ZNF394: variants seen among roughly 807,000 people sequenced by gnomAD.
The protein encoded by ZNF394 is zinc finger protein 99.
Under a neutral mutation model 21.8 loss-of-function variants are expected in ZNF394, and 19 were observed. That is an observed-to-expected ratio of 0.87 (90% CI 0.61 to 1.28). The LOEUF is 1.28. Among genes scored for constraint, ZNF394 ranks in the 50% most tolerant of loss-of-function variants. ZNF394 has a pLI of 0.00. For synonymous variants in ZNF394, 294 were observed against 273.3 expected (o/e 1.08, Z -0.75); for missense variants, 683 against 708.6 (o/e 0.96, Z 0.41).
In ZNF394 at chr7:99,499,750, A is replaced by T. The variant is rs1055020890; in HGVS notation, c.344T>A (p.Ile115Asn). 1 of 1,614,060 alleles carries T rather than the reference A, an allele frequency of 6.2e-7. No homozygotes were observed. ...CCAGGCTTGAAGCTCCTCGGGCAGG[A>T]TGGTGAGGAACTGCTCCAGCACCAG... is the stretch of plus-strand genomic sequence containing the variant. Reference protein sequence around the residue: ...ELLVLEQFLTILPEELQAWVR... With the variant: ...ELLVLEQFLTNLPEELQAWVR... Residue 115 changes from isoleucine to asparagine, a missense_variant, in exon 1 of 3, where the codon ATC becomes AAC. By Grantham distance (149) the Ile-to-Asn change is moderately radical. Around this residue, in one of 3 missense-constraint regions of ZNF394, gnomAD observed 402 missense variants for 373.8 expected, o/e 1.08. Transcript: ENST00000337673.
chr7:99,494,171 G>A lies in ZNF394; in HGVS notation c.1044C>T (p.Thr348=). The part of the protein sequence containing the change: ...DSFHHSSLFE[T]QRQLHEERPY... Reference sequence around the variant, plus strand: ...GTCTTTCTTCATGGAGCTGCCTCTGGGTCTCAAAAAGGCTGGAATGATGGA... The same window carrying A: ...GTCTTTCTTCATGGAGCTGCCTCTGAGTCTCAAAAAGGCTGGAATGATGGA... Residue 348 remains threonine, a synonymous_variant, in exon 3 of 3, where the codon ACC becomes ACT. Transcript: ENST00000337673. The A allele has an allele frequency of 6.2e-7, 1 of 1,614,194 alleles. No individual in the cohort carries two copies. The highest frequency in any genetic ancestry group is 2.2e-5 in the East Asian group (1 of 44,890).
At chr7:99,495,614 C>G (rs1800279737) in intron 2 of ZNF394, among the ~76,000 whole-genome samples, 1 of 149,990 alleles carries the variant, frequency 6.7e-6, no homozygotes, top group African/African-American at 2.5e-5. Flanking sequence ...CGTGAGCCAC[C>G]ACACCCAGCT....
At chr7:99,488,930 C>CAA (rs1182283444), downstream of ZNF394, among the ~76,000 whole-genome samples, 11 of 51,320 alleles carry the variant, frequency 2.1e-4, no homozygotes, top group East Asian at 5.0e-4. Context: ...GACTCCATCT[C>CAA]AAAAAAAAAA....
intron 2 of ZNF394, among the ~76,000 whole-genome samples, chr7:99,497,286 C>T (rs1020172565): frequency 5.3e-5 from 8 of 151,046 alleles, no homozygotes; most frequent in South Asian, 4.2e-4. Flanking sequence ...GCCATTCTCC[C>T]GCCTCAGCCT....
At chr7:99,495,986 A>C (rs1024002119) in intron 2 of ZNF394, among the ~76,000 whole-genome samples, 2 of 151,786 alleles carry the variant, frequency 1.3e-5, no homozygotes, top group African/African-American at 4.8e-5. Flanking sequence ...CAATGGCGTG[A>C]TCTCGGCTCA....
In ZNF394 at chr7:99,493,587, T is replaced by C. The variant is rs756343386; in HGVS notation, c.1628A>G (p.His543Arg). The part of the protein sequence containing the change: ...RFRQSTHLIR[H>R]QRIHQNKVLS... ...CACTTTATTTTGATGAATTCTTTGG[T>C]GTCGGATAAGGTGTGTACTTTGTCT... The change falls in exon 3 of 3, where the codon CAC becomes CGC. Residue 543 changes from histidine to arginine, a missense_variant. Physicochemically the swap from His to Arg is conservative, Grantham distance 29 (BLOSUM62 0). This residue lies in a region of ZNF394 where 274 missense variants were observed against 314.1 expected (regional missense o/e 0.87). Coordinates refer to ENST00000337673, the MANE Select transcript of ZNF394 (RefSeq NM_032164.4). 6.2e-7 allele frequency: 1 copy of C among 1,613,914 alleles called. No individual in the cohort carries two copies. The highest frequency in any genetic ancestry group is 1.1e-5 in the South Asian group (1 of 91,026).
rs1326977379 is a variant in ZNF394 at position 99,494,396 on chromosome 7, A to C, written c.819T>G (p.Asn273Lys). The C allele has an allele frequency of 1.2e-6, 2 of 1,614,030 alleles. No individual in the cohort carries two copies. The highest frequency in any genetic ancestry group is 2.2e-5 in the East Asian group (1 of 44,896). The change falls in exon 3 of 3, where the codon AAT (asparagine) becomes AAG (lysine). Residue 273 changes from asparagine (N) to lysine (K), a missense_variant. By Grantham distance (94) the Asn-to-Lys change is moderately conservative (BLOSUM62 0). Around this residue, in one of 3 missense-constraint regions of ZNF394, gnomAD observed 402 missense variants for 373.8 expected, o/e 1.08. Transcript: ENST00000337673. ...TAGAGTCTTCCCCTTCTATGGAACCATTCTTATTGACATCTGAGATGCTGT... is the reference window on the plus strand; with the variant it reads ...TAGAGTCTTCCCCTTCTATGGAACCCTTCTTATTGACATCTGAGATGCTGT... ...GLNSISDVNK[N>K]GSIEGEDSKN...
chr7:99,493,168 A>C, downstream of ZNF394: 1 of 1,024,364 alleles, frequency 9.8e-7, no homozygotes, highest in South Asian at 3.8e-5. Flanking sequence ...AAGATCCATA[A>C]TTGACTGATA....
At chr7:99,487,428 C>G (rs760520508) in intron 1 of ZNF394, 2 of 1,614,202 alleles carry the variant, frequency 1.2e-6, no homozygotes, top group South Asian at 2.2e-5. Context: ...GAAAATCTTT[C>G]AAGTGGCACA....
At chr7:99,495,011 CAG>C (rs1427481014) in intron 2 of ZNF394, among the ~76,000 whole-genome samples, 2 of 151,902 alleles carry the variant, frequency 1.3e-5, no homozygotes, top group Non-Finnish European at 2.9e-5. Context: ...TATTTTGAGA[CAG>C]AGTATTACTC....
exon 2 of ZNF394, chr7:99,486,617 T>C (rs1223696815): frequency 6.2e-7 from 1 of 1,614,108 alleles, no homozygotes; most frequent in Non-Finnish European, 8.5e-7. Flanking sequence ...AAAGAATTTG[T>C]GGACAGTTGC....
chr7:99,494,009 G>A lies in ZNF394; in HGVS notation c.1206C>T (p.Thr402=). 6.2e-7 allele frequency: 1 copy of A among 1,613,974 alleles called. No homozygotes were observed. The highest frequency in any genetic ancestry group is 8.5e-7 in the Non-Finnish European group (1 of 1,180,018). Residue 402 remains threonine (T), a synonymous_variant, in exon 3 of 3, where the codon ACC becomes ACT. Coordinates refer to ENST00000337673, the MANE Select transcript of ZNF394 (RefSeq NM_032164.4). ...CGCCTGTGTGTGTCCTCTGGTGCTT[G>A]GTCAGGGCAGCACTCTGGCTGAAGC... ...GKSFSQSAAL[T]KHQRTHTGEK... is the part of the protein sequence containing the mutation.
intron 1 of ZNF394, chr7:99,487,438 A>T: frequency 1.9e-6 from 3 of 1,614,252 alleles, no homozygotes; most frequent in Non-Finnish European, 2.5e-6. Flanking sequence ...CAAGTGGCAC[A>T]CAAGCTTTAT....
At chr7:99,496,446 C>G (rs768436647) in intron 2 of ZNF394, among the ~76,000 whole-genome samples, 1 of 152,072 alleles carries the variant, frequency 6.6e-6, no homozygotes, top group Non-Finnish European at 1.5e-5. Context: ...AGCACAAAGA[C>G]CAGGAGGCAG....
chr7:99,498,945 T>C, intron 1 of ZNF394, 103 bp from the exon 2 acceptor site: 3 of 1,424,590 alleles, frequency 2.1e-6, no homozygotes, highest in South Asian at 3.0e-5. Context: ...AGATCAGAGA[T>C]AGAGGCTGAC....
chr7:99,486,545 A>T, exon 2 of ZNF394: 1 of 1,614,116 alleles, frequency 6.2e-7, no homozygotes, highest in African/African-American at 1.3e-5. Context: ...TTAGAGTCAT[A>T]TAAGATATCA....
chr7:99,489,759 A>G (rs940169096), downstream of ZNF394, among the ~76,000 whole-genome samples: 6 of 152,204 alleles, frequency 3.9e-5, no homozygotes, highest in Admixed American at 2.0e-4. Context: ...GGTTGAGCTG[A>G]GTGTATTCTC....
At chr7:99,497,962 G>GTACTGCA (rs1800391227) in intron 2 of ZNF394, 1 of 72,688 alleles carries the variant, frequency 1.4e-5, no homozygotes, top group South Asian at 5.1e-4. Flanking sequence ...ATATCTGATT[G>GTACTGCA]TACTGTGGGT....
At position 99,493,340 on chromosome 7, in the gene ZNF394, T is replaced by A; in HGVS notation, c.*189A>T. On this transcript the variant is annotated 3_prime_UTR_variant, in exon 3 of 3. Transcript: ENST00000337673. ...GGCATGATCTCAGCTCACTGCAACT[T>A]CCGCCTCCTGGGTTCAAGTGATTCT... 1 of 1,116,348 alleles carries A rather than the reference T, an allele frequency of 9.0e-7. No individual in the cohort carries two copies. Among genetic ancestry groups the A allele is most frequent in the South Asian group, 1.9e-5 (1 of 52,734 alleles). The allele number at this position is 1,116,348 out of a possible 1,614,324, so 69.2% of individuals were successfully genotyped here. A position where few individuals can be genotyped will look rare whatever the true frequency, so the allele number is the denominator to read the frequency against.
Sources: gnomAD v4.1 joint callset for allele counts (sites outside exome capture counted in the v4.1 genomes callset) on GRCh38, gnomAD v4.1.1 for gene constraint, gnomAD v4.1.1 regional missense constraint, MANE v1.5 for transcripts, NCBI Gene and HGNC (gene_info 2026-07-23, HGNC 2026-07-21) for gene names.